USP3: variants seen among roughly 807,000 people sequenced by gnomAD.
USP3 encodes ubiquitin carboxyl-terminal hydrolase 3.
In USP3, 20 loss-of-function variants were observed where a neutral mutation model predicts 72.3. The ratio of observed to expected loss-of-function variants is 0.28; its 90% CI spans 0.19 to 0.40. The LOEUF is 0.40. Ranked by LOEUF, USP3 falls within the 10% of genes least tolerant of loss-of-function variation. The probability of loss-of-function intolerance (pLI) is 1.00; values close to 1 mark genes in which losing one functional copy is unlikely to be tolerated. For missense variants in USP3, 479 were observed against 633.9 expected, an observed-to-expected ratio of 0.76 and a Z score of 2.62; for synonymous variants, 222 against 225.3, an observed-to-expected ratio of 0.99 and a Z score of 0.13.
chr15:63,537,060 A>C lies in USP3; in HGVS notation c.188A>C (p.Asp63Ala). The change falls in exon 3 of 15, where the codon GAT (aspartate) becomes GCT (alanine). Residue 63 changes from aspartate to alanine, a missense_variant. Asp to Ala is a moderately radical substitution (Grantham distance 126). Transcript: ENST00000380324. ...GGCCATGCAAAAAAACATTATGAAGATGCACAAGTACCTTTAACCAACCAT... is the reference window on the plus strand; with the variant it reads ...GGCCATGCAAAAAAACATTATGAAGCTGCACAAGTACCTTTAACCAACCAT... ...VNGHAKKHYE[D>A]AQVPLTNHKK... The C allele has an allele frequency of 6.2e-7, 1 of 1,614,046 alleles. No homozygotes were observed. Among genetic ancestry groups the C allele is most frequent in the Non-Finnish European group, 8.5e-7 (1 of 1,179,968 alleles).
Position 63,553,665 on chromosome 15 carries a change from T to G in USP3, c.285-50T>G. The G allele has an allele frequency of 6.4e-7, 1 of 1,556,008 alleles. No homozygotes were observed. The highest frequency in any genetic ancestry group is 8.8e-7 in the Non-Finnish European group (1 of 1,142,484). ...CCAGACCTTTTAGTGATTTCATTAC[T>G]GTGGTTTCCTCAAGCTCTTTACACA... On this transcript the variant is annotated intron_variant, in intron 3 of 14. Coordinates refer to ENST00000380324, the MANE Select transcript of USP3 (RefSeq NM_006537.4). This position sits in a 1 kb window ranked among gnomAD's most constrained non-coding sequence, Gnocchi z 4.2.
intron 3 of USP3, among the ~76,000 whole-genome samples, chr15:63,542,636 T>C (rs927272018): frequency 6.6e-6 from 1 of 152,138 alleles, no homozygotes; most frequent in Admixed American, 6.5e-5. Context: ...AATATACATT[T>C]ATAAATAGCC....
At chr15:63,520,799 G>A (rs1595709437) in intron 1 of USP3, among the ~76,000 whole-genome samples, 1 of 151,988 alleles carries the variant, frequency 6.6e-6, no homozygotes, top group Admixed American at 6.6e-5. Flanking sequence ...CTGACCTCAA[G>A]TGATCTGCTC....
rs554005030 is a variant in USP3 at position 63,559,682 on chromosome 15, TAGAG to T, written c.534-171_534-168del. 3.4e-3 allele frequency among the ~76,000 whole-genome samples: 522 copies of T among 152,320 alleles called. 1 individual carries two copies. The highest frequency in any genetic ancestry group is 9.8e-3 in the South Asian group (47 of 4,820). On this transcript the variant is annotated intron_variant, in intron 6 of 14. Transcript: ENST00000380324. ...AAGTCATCTGTCTATACTGTTTTCTTAGAGAGAAGGAAAAATCATAATGAAGAAT... is the reference window on the plus strand; with the variant it reads ...AAGTCATCTGTCTATACTGTTTTCTTAGAAGGAAAAATCATAATGAAGAAT...
Position 63,588,545 on chromosome 15 carries a change from A to C in USP3, c.1215+122A>C. 9 of 969,416 alleles carry C rather than the reference A, an allele frequency of 9.3e-6. No homozygotes were observed. In the Admixed American group the frequency reaches 2.0e-4, roughly 22 times the overall value. 60.1% of individuals were successfully genotyped at this position (969,416 alleles called of 1,614,324 possible). On this transcript the variant is annotated intron_variant, in intron 12 of 14. Coordinates refer to ENST00000380324, the MANE Select transcript of USP3 (RefSeq NM_006537.4). The surrounding 1 kb of genome is among the most constrained non-coding windows in gnomAD (Gnocchi z 4.6). The stretch of plus-strand genomic sequence containing the variant: ...TATTTTTCTCTAGGATTTTCAGTAA[A>C]AGCTAAACCCCTTACAGAATGAATG...
Position 63,544,878 on chromosome 15 carries a change from T to A in USP3, c.284+7722T>A. The A allele has an allele frequency of 1.8e-6, 1 of 551,096 alleles. No individual in the cohort carries two copies. The highest frequency in any genetic ancestry group is 3.0e-5 in the East Asian group (1 of 33,660). 34.1% of individuals were successfully genotyped at this position (551,096 alleles called of 1,614,324 possible). A position where few individuals can be genotyped will look rare whatever the true frequency, so the allele number is the denominator to read the frequency against. ...TTGTGGGGACCATCAAATACTATAC[T>A]TAGTTCAGTTACAGATAGCTATGGA... On this transcript the variant is annotated intron_variant, in intron 3 of 14. Transcript: ENST00000380324. The surrounding 1 kb of genome is among the most constrained non-coding windows in gnomAD (Gnocchi z 4.2).
intron 1 of USP3, among the ~76,000 whole-genome samples, chr15:63,524,708 G>A (rs1351453645): frequency 6.6e-6 from 1 of 152,040 alleles, no homozygotes; most frequent in African/African-American, 2.4e-5. Context: ...ACATGGTTTG[G>A]GCTTCTCTCA....
chr15:63,569,646 T>G (rs748763600), intron 8 of USP3, among the ~76,000 whole-genome samples: 22 of 152,220 alleles, frequency 1.4e-4, no homozygotes, highest in Non-Finnish European at 2.6e-4. Flanking sequence ...AGCAATGCTT[T>G]CTTTATTTCA....
At chr15:63,569,469 T>C in intron 8 of USP3, among the ~76,000 whole-genome samples, 1 of 152,216 alleles carries the variant, frequency 6.6e-6, no homozygotes, top group East Asian at 1.9e-4. Context: ...GAAACTCTGG[T>C]TGGAAGAAAT....
chr15:63,532,357 A>T (rs1308581737), intron 1 of USP3: 1 of 434,400 alleles, frequency 2.3e-6, no homozygotes, highest in Non-Finnish European at 4.2e-6. Flanking sequence ...AGACTGTAGC[A>T]AAAGGGAATA....
chr15:63,560,302 G>A (rs2066586161), intron 7 of USP3, among the ~76,000 whole-genome samples: 1 of 151,716 alleles, frequency 6.6e-6, no homozygotes, highest in Non-Finnish European at 1.5e-5. Context: ...TGTAATCCCA[G>A]CTACTCGGGA....
At chr15:63,569,568 G>A (rs72625755) in intron 8 of USP3, among the ~76,000 whole-genome samples, 2,932 of 152,286 alleles carry the variant, frequency 0.019, 204 homozygotes, top group East Asian at 0.18. Flanking sequence ...TAATTAAAGA[G>A]ACCTTCCATG....
At chr15:63,559,779 T>A in intron 6 of USP3, 78 bp from the exon 7 acceptor site, 1 of 1,247,442 alleles carries the variant, frequency 8.0e-7, no homozygotes, top group Non-Finnish European at 1.1e-6. Context: ...TTTCAAAATG[T>A]ATATGTAGGC....
intron 9 of USP3, 73 bp from the exon 10 acceptor site, chr15:63,573,973 T>C (rs1438535962): frequency 2.3e-5 from 24 of 1,052,184 alleles, no homozygotes; most frequent in Non-Finnish European, 3.0e-5. Context: ...CTTTAACAAA[T>C]ATTTGTAGTT....
intron 11 of USP3, among the ~76,000 whole-genome samples, chr15:63,578,628 A>G (rs1006115267): frequency 3.3e-5 from 5 of 150,434 alleles, no homozygotes; most frequent in Admixed American, 6.6e-5. Context: ...AAAAAAAAAA[A>G]GAAGAAAAAA....
intron 3 of USP3, among the ~76,000 whole-genome samples, chr15:63,549,485 C>G (rs1362032819): frequency 6.6e-6 from 1 of 152,178 alleles, no homozygotes; most frequent in Admixed American, 6.5e-5. Context: ...AGAGGGGCAT[C>G]ATATAAATCG....
At position 63,504,689 on chromosome 15, in the gene USP3, A is replaced by C. The variant is rs1416541293; in HGVS notation, c.-51A>C. 8 of 1,479,288 alleles carry C rather than the reference A, an allele frequency of 5.4e-6. No homozygotes were observed. Among genetic ancestry groups the C allele is most frequent in the Non-Finnish European group, 7.3e-6 (8 of 1,099,308 alleles). 91.6% of individuals were successfully genotyped at this position (1,479,288 alleles called of 1,614,324 possible). A position where few individuals can be genotyped will look rare whatever the true frequency, so the allele number is the denominator to read the frequency against. ...GAGCCTCCGGAGTTCCTCCGCCCCC[A>C]CCTCGCCGGGTCCTGGAGCCGCAGT... On this transcript the variant is annotated 5_prime_UTR_variant, in exon 1 of 15. Coordinates refer to ENST00000380324, the MANE Select transcript of USP3 (RefSeq NM_006537.4).
intron 4 of USP3, among the ~76,000 whole-genome samples, chr15:63,555,422 T>C (rs1567112769): frequency 6.6e-6 from 1 of 151,696 alleles, no homozygotes; most frequent in Non-Finnish European, 1.5e-5. Flanking sequence ...CTAGCCATAC[T>C]TGAAAAGTGG....
intron 2 of USP3, among the ~76,000 whole-genome samples, chr15:63,536,233 C>T (rs1371328738): frequency 1.3e-5 from 2 of 152,136 alleles, no homozygotes; most frequent in Non-Finnish European, 2.9e-5. Flanking sequence ...TCTAAACAAA[C>T]ATGTTTCCAT....
Sources: allele counts gnomAD v4.1 joint callset (sites outside exome capture counted in the v4.1 genomes callset), GRCh38; gene constraint gnomAD v4.1.1; non-coding constraint Gnocchi (gnomAD v3.1); transcripts MANE v1.5; gene names NCBI Gene and HGNC (gene_info 2026-07-23, HGNC 2026-07-21).